Variants in RPS6KC1 observed in about 807,000 individuals in gnomAD.
RPS6KC1 encodes the protein ribosomal protein S6 kinase C1.
Under a neutral mutation model 103.8 loss-of-function variants are expected in RPS6KC1, and 54 were observed. That is an observed-to-expected ratio of 0.52 (90% CI 0.42 to 0.65). The LOEUF is 0.65. RPS6KC1 is among the 30% of genes least tolerant of loss of function. The pLI is 0.00. For missense variants in RPS6KC1, 1,151 were observed against 1,253.8 expected (o/e 0.92, Z 1.24); for synonymous variants, 439 against 438.7 (o/e 1.00, Z -0.01).
the RPS6KC1 span, among the ~76,000 whole-genome samples, chr1:213,762,256 C>G: frequency 6.6e-6 from 1 of 152,178 alleles, no homozygotes; most frequent in Non-Finnish European, 1.5e-5. Flanking sequence ...ACAGATCAAG[C>G]CTTCCTGACA....
chr1:213,409,827 C>G, the RPS6KC1 span, among the ~76,000 whole-genome samples: 1 of 152,118 alleles, frequency 6.6e-6, no homozygotes, highest in Non-Finnish European at 1.5e-5. Flanking sequence ...TATAAGCCAA[C>G]AGGGAAAGAC....
chr1:213,298,603 T>C, the RPS6KC1 span, among the ~76,000 whole-genome samples: 3 of 152,128 alleles, frequency 2.0e-5, no homozygotes, highest in Non-Finnish European at 2.9e-5. Flanking sequence ...TTTTTTCTTT[T>C]CTGTTTTTTT....
intron 3 of RPS6KC1, among the ~76,000 whole-genome samples, chr1:213,080,667 C>T (rs149547729): frequency 2.0e-4 from 30 of 152,272 alleles, no homozygotes; most frequent in African/African-American, 6.0e-4. Flanking sequence ...TGGGCTCAAG[C>T]GATCCTCCCA....
At chr1:213,328,257 T>G in the RPS6KC1 span, among the ~76,000 whole-genome samples, 2 of 151,984 alleles carry the variant, frequency 1.3e-5, no homozygotes, top group African/African-American at 4.8e-5. Context: ...ACATTAACGG[T>G]GGACTCTGAA....
chr1:213,644,804 T>C, the RPS6KC1 span, among the ~76,000 whole-genome samples: 1 of 152,178 alleles, frequency 6.6e-6, no homozygotes, highest in Non-Finnish European at 1.5e-5. Flanking sequence ...AAATGTACAC[T>C]CCCACAGGAG....
the RPS6KC1 span, among the ~76,000 whole-genome samples, chr1:213,300,618 A>G: frequency 1.3e-5 from 2 of 152,118 alleles, no homozygotes; most frequent in African/African-American, 4.8e-5. Flanking sequence ...TGTCTTTGGT[A>G]GGCTTCGCTG....
chr1:213,462,320 T>C, the RPS6KC1 span, among the ~76,000 whole-genome samples: 1 of 152,150 alleles, frequency 6.6e-6, no homozygotes, highest in African/African-American at 2.4e-5. Context: ...GGAGTGTAAA[T>C]TAGTTCAACC....
the RPS6KC1 span, among the ~76,000 whole-genome samples, chr1:213,732,492 C>T: frequency 6.6e-6 from 1 of 152,144 alleles, no homozygotes; most frequent in Admixed American, 6.5e-5. Flanking sequence ...CAATAACTTA[C>T]CTTTATTTTC....
the RPS6KC1 span, among the ~76,000 whole-genome samples, chr1:213,593,014 A>G: frequency 6.6e-6 from 1 of 152,148 alleles, no homozygotes; most frequent in African/African-American, 2.4e-5. Flanking sequence ...CACATATGAT[A>G]AGAAGAAACC....
the RPS6KC1 span, among the ~76,000 whole-genome samples, chr1:213,599,469 A>T: frequency 6.7e-6 from 1 of 150,232 alleles, no homozygotes; most frequent in South Asian, 2.1e-4. Flanking sequence ...TGGTAGAACG[A>T]GGGGGGGAAA....
At chr1:213,410,543 G>T in the RPS6KC1 span, among the ~76,000 whole-genome samples, 2 of 152,074 alleles carry the variant, frequency 1.3e-5, no homozygotes, top group South Asian at 4.2e-4. Flanking sequence ...GGAGAGGGAG[G>T]ACTTGGTGGA....
intron 7 of RPS6KC1, among the ~76,000 whole-genome samples, chr1:213,173,322 C>A (rs1373976334): frequency 6.6e-6 from 1 of 152,204 alleles, no homozygotes; most frequent in Non-Finnish European, 1.5e-5. Context: ...TTAATGATCA[C>A]TTTGCCTTTG....
the RPS6KC1 span, among the ~76,000 whole-genome samples, chr1:213,629,838 T>C: frequency 4.8e-4 from 73 of 152,316 alleles, no homozygotes; most frequent in Non-Finnish European, 1.0e-3. Flanking sequence ...CTCCTTCACT[T>C]ATGAAGCTTA....
chr1:213,150,131 A>G (rs531223404), intron 6 of RPS6KC1, among the ~76,000 whole-genome samples: 1 of 151,914 alleles, frequency 6.6e-6, no homozygotes, highest in East Asian at 1.9e-4. Flanking sequence ...AGTTTAGTCC[A>G]TTTGCATTCA....
the RPS6KC1 span, among the ~76,000 whole-genome samples, chr1:213,368,384 G>C: frequency 1.3e-5 from 2 of 152,126 alleles, no homozygotes; most frequent in Non-Finnish European, 2.9e-5. Flanking sequence ...TCTTTTACAC[G>C]AGAGGGTAGG....
the RPS6KC1 span, among the ~76,000 whole-genome samples, chr1:213,460,160 T>C: frequency 1.3e-5 from 2 of 152,168 alleles, no homozygotes; most frequent in East Asian, 3.9e-4. Flanking sequence ...GTCTTGTTGA[T>C]CTAATATTGA....
At chr1:213,133,020 C>T (rs1193684641) in intron 6 of RPS6KC1, among the ~76,000 whole-genome samples, 1 of 152,158 alleles carries the variant, frequency 6.6e-6, no homozygotes, top group African/African-American at 2.4e-5. Context: ...CTTTGCCCAT[C>T]CGGCAGAGAA....
chr1:213,216,840 C>A (rs973760164), intron 8 of RPS6KC1, among the ~76,000 whole-genome samples: 1 of 152,086 alleles, frequency 6.6e-6, no homozygotes, highest in Non-Finnish European at 1.5e-5. Context: ...AAAGACATAA[C>A]ATACCAGAAT....
intron 12 of RPS6KC1, among the ~76,000 whole-genome samples, chr1:213,246,129 C>G (rs922108637): frequency 6.6e-6 from 1 of 152,058 alleles, no homozygotes; most frequent in Non-Finnish European, 1.5e-5. Flanking sequence ...CTTGAGAATA[C>G]GAATTCACTG....
Sources: allele counts gnomAD v4.1 joint callset (sites outside exome capture counted in the v4.1 genomes callset), GRCh38; gene constraint gnomAD v4.1.1; transcripts MANE v1.5; gene names NCBI Gene and HGNC (gene_info 2026-07-23, HGNC 2026-07-21).